Variants in FRY observed in about 807,000 individuals in gnomAD.
The protein encoded by FRY is FRY microtubule binding protein.
A neutral mutation model predicts 348.4 loss-of-function variants in FRY; 128 were observed. The ratio of observed to expected loss-of-function variants is 0.37; its 90% CI spans 0.32 to 0.43. The LOEUF (loss-of-function observed/expected upper bound fraction) is 0.43, where lower values mean the gene tolerates loss of function less well. Ranked by LOEUF, FRY falls within the 20% of genes least tolerant of loss-of-function variation. The pLI is 1.00. For missense variants in FRY, 2,736 were observed against 3,695.2 expected (o/e 0.74, Z 6.73); for synonymous variants, 1,370 against 1,374.7 (o/e 1.00, Z 0.08).
chr13:32,034,410 T>A lies in FRY; in HGVS notation c.70+2545T>A, dbSNP rs75758222. ...TTTCATTCGATGTTCATTTTGGTGT[T>A]CTCCTCTTTATCGGCACGTCTACTC... On this transcript the variant is annotated intron_variant, in intron 1 of 60. Transcript: ENST00000542859. Among the ~76,000 whole-genome samples the A allele has an allele frequency of 3.1e-3, 466 of 152,314 alleles. 1 individual carries two copies. The highest frequency in any genetic ancestry group is 0.011 in the African/African-American group (442 of 41,564).
chr13:32,236,847 A>G (rs997263809), intron 43 of FRY, among the ~76,000 whole-genome samples: 1 of 152,214 alleles, frequency 6.6e-6, no homozygotes, highest in African/African-American at 2.4e-5. Context: ...ATATTAACAT[A>G]AAGATTTATC....
At chr13:32,139,159 C>T (rs1021077583) in intron 11 of FRY, among the ~76,000 whole-genome samples, 8 of 152,112 alleles carry the variant, frequency 5.3e-5, no homozygotes, top group Admixed American at 3.3e-4. Context: ...TATTAATATT[C>T]AGAAAACCTT....
intron 3 of FRY, among the ~76,000 whole-genome samples, chr13:32,116,392 CA>C (rs1399025783): frequency 6.6e-6 from 1 of 152,268 alleles, no homozygotes; most frequent in Admixed American, 6.5e-5. Context: ...ATGTGTTTCG[CA>C]AATATTTTCT....
intron 14 of FRY, 93 bp downstream of exon 14, chr13:32,149,927 CT>C (rs1880698217): frequency 1.3e-6 from 1 of 779,782 alleles, no homozygotes; most frequent in East Asian, 2.5e-5. Context: ...TGAGGGATGT[CT>C]TCTCACAAAG....
intron 1 of FRY, among the ~76,000 whole-genome samples, chr13:32,032,401 G>A (rs1010856340): frequency 1.2e-4 from 18 of 152,286 alleles, no homozygotes; most frequent in Admixed American, 4.6e-4. Context: ...AGAGGCATCT[G>A]CAGATTTATT....
At chr13:32,267,120 AG>A in intron 54 of FRY, 49 bp from the exon 55 acceptor site, 2 of 1,509,932 alleles carry the variant, frequency 1.3e-6, no homozygotes, top group Non-Finnish European at 1.8e-6. Flanking sequence ...AACCCAGTAT[AG>A]GATGAGAAGG....
chr13:32,179,137 T>A (rs913551800), intron 22 of FRY, 104 bp downstream of exon 22: 4 of 811,528 alleles, frequency 4.9e-6, no homozygotes, highest in Non-Finnish European at 6.2e-6. Flanking sequence ...TCTGGAGTAT[T>A]ATGGGATCAG....
intron 7 of FRY, among the ~76,000 whole-genome samples, chr13:32,128,862 T>C (rs1187436581): frequency 1.3e-5 from 2 of 152,262 alleles, no homozygotes; most frequent in African/African-American, 4.8e-5. Context: ...TATTCATCCC[T>C]GGAATTACGG....
chr13:32,243,280 G>A (rs1414696302), intron 46 of FRY, among the ~76,000 whole-genome samples: 3 of 151,978 alleles, frequency 2.0e-5, no homozygotes, highest in Non-Finnish European at 4.4e-5. Flanking sequence ...TCATTATACA[G>A]TTTGCTGTTA....
chr13:32,039,226 G>A (rs1175516614), intron 1 of FRY, among the ~76,000 whole-genome samples: 2 of 152,190 alleles, frequency 1.3e-5, no homozygotes, highest in East Asian at 1.9e-4. Flanking sequence ...AAGGAGAAGA[G>A]GAAATGTAAG....
At chr13:32,257,792 A>G (rs531773911) in intron 51 of FRY, among the ~76,000 whole-genome samples, 2 of 152,204 alleles carry the variant, frequency 1.3e-5, no homozygotes, top group Non-Finnish European at 2.9e-5. Flanking sequence ...TTCTCTTTGG[A>G]GTTAGTGTAT....
intron 11 of FRY, 103 bp downstream of exon 11, chr13:32,137,075 A>C (rs1879768344): frequency 1.3e-6 from 1 of 759,526 alleles, no homozygotes; most frequent in Non-Finnish European, 2.4e-6. Context: ...TTGCCAGGGG[A>C]ATTGTCCTAT....
Position 32,243,235 on chromosome 13 carries a change from C to A in FRY, c.6688-807C>A, listed in dbSNP as rs74044952. On this transcript the variant is annotated intron_variant, in intron 46 of 60. Transcript: ENST00000542859. ...AATATTATCTGATATCCTCCACTGC[C>A]TTTAAAAATGTCATTCTATTAACTG... is the stretch of plus-strand genomic sequence containing the variant. Among the ~76,000 whole-genome samples the A allele has an allele frequency of 2.8e-3, 424 of 152,274 alleles. 2 individuals carry two copies. Among genetic ancestry groups the A allele is most frequent in the African/African-American group, 9.7e-3 (401 of 41,548 alleles).
intron 15 of FRY, among the ~76,000 whole-genome samples, chr13:32,156,784 C>T (rs1306979788): frequency 6.6e-6 from 1 of 151,942 alleles, no homozygotes; most frequent in Admixed American, 6.6e-5. Flanking sequence ...AATAATATAG[C>T]TAAAATATGT....
chr13:32,254,220 G>T lies in FRY; in HGVS notation c.7246-4G>T, dbSNP rs148908035. 6 of 1,613,736 alleles carry T rather than the reference G, an allele frequency of 3.7e-6. No homozygotes were observed. Among genetic ancestry groups the T allele is most frequent in the Non-Finnish European group, 5.1e-6 (6 of 1,179,926 alleles). ...TTTCTCAGGAGAGGACTCTTGATTC[G>T]CAGGTGATTTTTTCATCGTGTGGGG... is the stretch of plus-strand genomic sequence containing the variant. On this transcript the variant is annotated splice_polypyrimidine_tract_variant and splice_region_variant and intron_variant, in intron 50 of 60. Transcript: ENST00000542859.
rs554884768 is a variant in FRY, at chr13:32,145,792, C to A, written c.1180-1490C>A. Among the ~76,000 whole-genome samples the A allele has an allele frequency of 7.2e-5, 11 of 151,950 alleles. No individual in the cohort carries two copies. In the South Asian group the frequency reaches 1.9e-3, roughly 26 times the overall value. ...ATCTCCTGACCTCATGATCCACCCG[C>A]CTCGGCCTCCCAAAGTGCTGGGATT... On this transcript the variant is annotated intron_variant, in intron 11 of 60. Transcript: ENST00000542859.
chr13:32,240,425 A>T (rs1886439852), intron 46 of FRY, among the ~76,000 whole-genome samples: 1 of 152,220 alleles, frequency 6.6e-6, no homozygotes, highest in Non-Finnish European at 1.5e-5. Flanking sequence ...TGATATGTTT[A>T]ATGGTTGTTT....
intron 58 of FRY, among the ~76,000 whole-genome samples, chr13:32,279,133 G>C (rs114717843): frequency 6.6e-6 from 1 of 152,182 alleles, no homozygotes; most frequent in Non-Finnish European, 1.5e-5. Context: ...TCTTGTCAGC[G>C]AGACAGACAT....
chr13:32,170,324 G>GA (rs1472074346), intron 17 of FRY, among the ~76,000 whole-genome samples: 1 of 152,170 alleles, frequency 6.6e-6, no homozygotes, highest in African/African-American at 2.4e-5. Flanking sequence ...ATTGCATTCT[G>GA]AAACAGAAAA....
Sources: allele counts gnomAD v4.1 joint callset (sites outside exome capture counted in the v4.1 genomes callset), GRCh38; gene constraint gnomAD v4.1.1; transcripts MANE v1.5; gene names NCBI Gene and HGNC (gene_info 2026-07-23, HGNC 2026-07-21).